Variants in NTN1 observed in about 807,000 individuals in gnomAD.
The protein encoded by NTN1 is netrin 1.
In NTN1, 11 loss-of-function variants were observed where a neutral mutation model predicts 54.2. The observed-to-expected ratio is 0.20, with a 90% confidence interval of 0.13 to 0.34. The LOEUF (loss-of-function observed/expected upper bound fraction) is 0.34, where lower values mean the gene tolerates loss of function less well. NTN1 is among the 10% of genes least tolerant of loss of function. The pLI is 1.00. For synonymous variants in NTN1, 371 were observed against 382.0 expected (o/e 0.97, Z 0.33); for missense variants, 740 against 893.1 (o/e 0.83, Z 2.18).
At chr17:9,190,150 T>TAAAAATATG in intron 5 of NTN1, among the ~76,000 whole-genome samples, 1 of 152,194 alleles carries the variant, frequency 6.6e-6, no homozygotes, top group African/African-American at 2.4e-5. Flanking sequence ...AAACAAAATC[T>TAAAAATATG]CAACTAGAAT....
At chr17:9,170,532 G>T (rs916027923) in intron 3 of NTN1, among the ~76,000 whole-genome samples, 1 of 152,188 alleles carries the variant, frequency 6.6e-6, no homozygotes, top group African/African-American at 2.4e-5. Context: ...CCAGGGGTTG[G>T]CCCTAATGCT....
At chr17:9,179,729 C>A in intron 3 of NTN1, 78 bp from the exon 4 acceptor site, 3 of 1,531,786 alleles carry the variant, frequency 2.0e-6, no homozygotes, top group South Asian at 1.3e-5. Context: ...TGGAGGCAGC[C>A]CTGGGTAGGG....
chr17:9,162,746 G>T, intron 2 of NTN1, 67 bp from the exon 3 acceptor site: 2 of 1,474,966 alleles, frequency 1.4e-6, no homozygotes. Flanking sequence ...GGTTTCTTTT[G>T]ACGCTCTTGG....
At chr17:9,184,082 C>T (rs1394839688) in intron 5 of NTN1, among the ~76,000 whole-genome samples, 1 of 152,152 alleles carries the variant, frequency 6.6e-6, no homozygotes, top group Non-Finnish European at 1.5e-5. Context: ...ACCCATGTGG[C>T]CCCCTGAATA....
intron 3 of NTN1, among the ~76,000 whole-genome samples, chr17:9,167,895 C>T (rs1183334306): frequency 6.6e-6 from 1 of 152,194 alleles, no homozygotes; most frequent in Non-Finnish European, 1.5e-5. Context: ...CTGTGAGTCT[C>T]ACCCTTGGCT....
intron 3 of NTN1, among the ~76,000 whole-genome samples, chr17:9,168,462 G>A (rs1018697029): frequency 1.3e-5 from 2 of 152,072 alleles, no homozygotes; most frequent in East Asian, 3.9e-4. Flanking sequence ...AACCCAGGAG[G>A]CAGAGGTTGC....
intron 3 of NTN1, among the ~76,000 whole-genome samples, chr17:9,169,287 A>G (rs1229261319): frequency 6.6e-6 from 1 of 152,238 alleles, no homozygotes; most frequent in Admixed American, 6.5e-5. Flanking sequence ...AACTTGATAC[A>G]ATAGGACAAT....
chr17:9,205,587 C>T (rs570541070), intron 5 of NTN1, among the ~76,000 whole-genome samples: 12 of 152,360 alleles, frequency 7.9e-5, no homozygotes, highest in Admixed American at 2.6e-4. Context: ...TGCGCCTCTG[C>T]GCTCCAGCTG....
chr17:9,047,748 G>A (rs150685040), intron 2 of NTN1, among the ~76,000 whole-genome samples: 14 of 150,612 alleles, frequency 9.3e-5, no homozygotes, highest in African/African-American at 2.2e-4. Context: ...AGACTGGAGT[G>A]CAATGGCGCG....
At chr17:9,057,596 G>A (rs1320936852) in intron 2 of NTN1, among the ~76,000 whole-genome samples, 2 of 152,116 alleles carry the variant, frequency 1.3e-5, no homozygotes, top group Non-Finnish European at 2.9e-5. Flanking sequence ...TACTTTGGCT[G>A]CTGTTTCTTC....
chr17:9,037,202 A>G (rs528626359), intron 2 of NTN1, among the ~76,000 whole-genome samples: 47 of 152,306 alleles, frequency 3.1e-4, no homozygotes, highest in African/African-American at 1.1e-3. Flanking sequence ...ATGTAATTGA[A>G]ATCATACTGT....
At chr17:9,091,406 C>T (rs1264501848) in intron 2 of NTN1, among the ~76,000 whole-genome samples, 2 of 151,618 alleles carry the variant, frequency 1.3e-5, no homozygotes. Flanking sequence ...AGGCTCAAGC[C>T]ACAGTGCCTG....
intron 5 of NTN1, among the ~76,000 whole-genome samples, chr17:9,201,230 C>G (rs1052025486): frequency 6.6e-6 from 1 of 152,178 alleles, no homozygotes; most frequent in Non-Finnish European, 1.5e-5. Flanking sequence ...TGGGAACTCC[C>G]TGGGTCAGAC....
the NTN1 span, among the ~76,000 whole-genome samples, chr17:9,013,266 G>T: frequency 6.8e-6 from 1 of 146,210 alleles, no homozygotes; most frequent in African/African-American, 2.6e-5. Context: ...ACCCAGGCTG[G>T]AGTGCAATGG....
intron 2 of NTN1, among the ~76,000 whole-genome samples, chr17:9,068,716 C>T (rs1056342952): frequency 6.6e-6 from 1 of 152,108 alleles, no homozygotes; most frequent in African/African-American, 2.4e-5. Context: ...CCATGTTGGT[C>T]AGGCTGGTCT....
At chr17:9,197,849 A>T (rs1476443832) in intron 5 of NTN1, among the ~76,000 whole-genome samples, 1 of 152,096 alleles carries the variant, frequency 6.6e-6, no homozygotes, top group Non-Finnish European at 1.5e-5. Context: ...CTTCAGCCCA[A>T]GGATTAGGAA....
At chr17:9,010,854 G>A in the NTN1 span, among the ~76,000 whole-genome samples, 12,202 of 152,072 alleles carry the variant, frequency 0.08, 679 homozygotes, top group African/African-American at 0.15. Context: ...TGATCCAAGC[G>A]CATTACATTT....
At chr17:9,104,336 TA>T (rs1290219006) in intron 2 of NTN1, among the ~76,000 whole-genome samples, 1 of 152,134 alleles carries the variant, frequency 6.6e-6, no homozygotes, top group African/African-American at 2.4e-5. Context: ...ACTGTATACT[TA>T]AAAATGGTTA....
chr17:9,228,966 GT>G (rs1567746477), intron 6 of NTN1, among the ~76,000 whole-genome samples: 1 of 151,804 alleles, frequency 6.6e-6, no homozygotes, highest in Non-Finnish European at 1.5e-5. Context: ...GTGTGTGATT[GT>G]GTTTACGACT....
Sources: allele counts gnomAD v4.1 joint callset (sites outside exome capture counted in the v4.1 genomes callset), GRCh38; gene constraint gnomAD v4.1.1; transcripts MANE v1.5; gene names NCBI Gene and HGNC (gene_info 2026-07-23, HGNC 2026-07-21).